MDGA2: variants seen among roughly 807,000 people sequenced by gnomAD.
The protein encoded by MDGA2 is MAM domain containing glycosylphosphatidylinositol anchor 2.
A neutral mutation model predicts 117.8 loss-of-function variants in MDGA2; 40 were observed. The ratio of observed to expected loss-of-function variants is 0.34; its 90% CI spans 0.26 to 0.44. The LOEUF is 0.44. MDGA2 is among the 20% of genes least tolerant of loss of function. MDGA2 has a pLI of 1.00. For missense variants in MDGA2, 1,123 were observed against 1,250.6 expected, an observed-to-expected ratio of 0.90 and a Z score of 1.54; for synonymous variants, 452 against 439.0, an observed-to-expected ratio of 1.03 and a Z score of -0.37.
At chr14:47,054,175 T>G (rs1889579819) in intron 7 of MDGA2, among the ~76,000 whole-genome samples, 1 of 152,014 alleles carries the variant, frequency 6.6e-6, no homozygotes, top group Non-Finnish European at 1.5e-5. Flanking sequence ...ATCTGCAGAA[T>G]GTTTTCTTAC....
At chr14:47,261,804 G>A (rs1045824525) in intron 2 of MDGA2, among the ~76,000 whole-genome samples, 1 of 152,134 alleles carries the variant, frequency 6.6e-6, no homozygotes, top group Non-Finnish European at 1.5e-5. Flanking sequence ...CCACCTGTGT[G>A]ATGGAGATAA....
intron 1 of MDGA2, among the ~76,000 whole-genome samples, chr14:47,595,811 T>C (rs906378152): frequency 1.3e-5 from 2 of 152,182 alleles, no homozygotes; most frequent in African/African-American, 4.8e-5. Context: ...CATAACTCAA[T>C]GTTCTTATAT....
At position 47,181,673 on chromosome 14, in the gene MDGA2, T is replaced by A. The variant is rs139184258; in HGVS notation, c.595+36348A>T. Among the ~76,000 whole-genome samples the A allele has an allele frequency of 9.4e-3, 1,437 of 152,356 alleles. 17 individuals are homozygous for A. Among genetic ancestry groups the A allele is most frequent in the Middle Eastern group, 0.044 (13 of 294 alleles). ...GTTCATTTTAGTTGAAATTTAGTTT[T>A]ATCTTCTCAATTATTTTTTTTCCTA... On this transcript the variant is annotated intron_variant, in intron 3 of 16. Coordinates refer to ENST00000399232, the MANE Select transcript of MDGA2 (RefSeq NM_001113498.3).
chr14:47,507,443 T>C (rs899532614), intron 1 of MDGA2, among the ~76,000 whole-genome samples: 20 of 152,178 alleles, frequency 1.3e-4, no homozygotes, highest in African/African-American at 4.8e-4. Context: ...ATAAGCTCAA[T>C]GTAATATCAA....
intron 10 of MDGA2, among the ~76,000 whole-genome samples, chr14:46,910,491 A>C (rs910131714): frequency 2.0e-5 from 3 of 151,972 alleles, no homozygotes; most frequent in Non-Finnish European, 4.4e-5. Flanking sequence ...CCTCAAAATA[A>C]TAAGAGCCAT....
At chr14:47,669,334 C>T (rs528934308) in intron 1 of MDGA2, among the ~76,000 whole-genome samples, 1 of 152,044 alleles carries the variant, frequency 6.6e-6, no homozygotes, top group Non-Finnish European at 1.5e-5. Context: ...ATCTATTCAC[C>T]GGAATTATTT....
chr14:47,072,848 C>A (rs925070300), intron 6 of MDGA2, among the ~76,000 whole-genome samples: 5 of 152,114 alleles, frequency 3.3e-5, no homozygotes, highest in African/African-American at 9.7e-5. Context: ...TATTAAGGCA[C>A]AAACTAAAAA....
At chr14:47,315,795 A>G (rs1889789994) in intron 1 of MDGA2, among the ~76,000 whole-genome samples, 1 of 152,140 alleles carries the variant, frequency 6.6e-6, no homozygotes. Flanking sequence ...CAATATCAAC[A>G]TAATTTAGAG....
intron 3 of MDGA2, among the ~76,000 whole-genome samples, chr14:47,203,362 T>C (rs1885577654): frequency 6.6e-6 from 1 of 151,840 alleles, no homozygotes; most frequent in Admixed American, 6.6e-5. Flanking sequence ...ATTTGTTTTG[T>C]GGTCCTGAAA....
intron 1 of MDGA2, among the ~76,000 whole-genome samples, chr14:47,360,354 AAAATAAATAAAT>A (rs60754618): frequency 1.9e-4 from 27 of 140,004 alleles, no homozygotes; most frequent in African/African-American, 5.0e-4. Flanking sequence ...TCCATCTCAA[AAAATAAATAAAT>A]AAATAAATAA....
rs190942533 is a variant in MDGA2, at chr14:46,964,863, G to A, written c.1820-7220C>T. On this transcript the variant is annotated intron_variant, in intron 8 of 16. Coordinates refer to ENST00000399232, the MANE Select transcript of MDGA2 (RefSeq NM_001113498.3). ...GAGAAATTTCCTTTTAAGTGGAAGA[G>A]GTTGTCAGTGTAATTCATTATACCT... Among the ~76,000 whole-genome samples, 10 of 151,166 alleles carry A rather than the reference G, an allele frequency of 6.6e-5. No homozygotes were observed. In the East Asian group the frequency reaches 1.6e-3, roughly 23 times the overall value.
intron 2 of MDGA2, among the ~76,000 whole-genome samples, chr14:47,221,884 A>G (rs1374807676): frequency 1.3e-5 from 2 of 152,030 alleles, no homozygotes; most frequent in Non-Finnish European, 2.9e-5. Flanking sequence ...ATGTTTTAAT[A>G]TAAGTTTACA....
At position 47,537,574 on chromosome 14, in the gene MDGA2, T is replaced by TAAAA. The variant is rs58060138; in HGVS notation, c.280+136939_280+136942dup. On this transcript the variant is annotated intron_variant, in intron 1 of 16. Transcript: ENST00000399232. The stretch of plus-strand genomic sequence containing the variant: ...TTATCCACTGTTACCTTCTCTCTGT[T>TAAAA]AAAAAAAAAAAAAAAAAAAAAAAAA... Among the ~76,000 whole-genome samples the TAAAA allele has an allele frequency of 2.2e-3, 81 of 36,550 alleles. 1 individual carries two copies. The highest frequency in any genetic ancestry group is 2.9e-3 in the Non-Finnish European group (52 of 17,784). The allele number at this position is 36,550 out of a possible 152,430, so 24.0% of individuals were successfully genotyped here. A position where few individuals can be genotyped will look rare whatever the true frequency, so the allele number is the denominator to read the frequency against.
chr14:47,675,252 A>G lies in MDGA2; in HGVS notation c.-456T>C, dbSNP rs1243699917. Reference sequence around the variant, plus strand: ...CTGTCTTGCCTTCCCCCATTCCATCAGTTGCCATTGCAACGCCAATCCTGT... The same window carrying G: ...CTGTCTTGCCTTCCCCCATTCCATCGGTTGCCATTGCAACGCCAATCCTGT... On this transcript the variant is annotated 5_prime_UTR_variant, in exon 1 of 17. Transcript: ENST00000399232. Among the ~76,000 whole-genome samples the G allele has an allele frequency of 6.6e-6, 1 of 151,504 alleles. No individual in the cohort carries two copies. Among genetic ancestry groups the G allele is most frequent in the African/African-American group, 2.4e-5 (1 of 41,228 alleles).
At chr14:47,616,507 A>G (rs1009961276) in intron 1 of MDGA2, among the ~76,000 whole-genome samples, 1 of 151,978 alleles carries the variant, frequency 6.6e-6, no homozygotes, top group Non-Finnish European at 1.5e-5. Context: ...TATCTCAGAC[A>G]CCTTTTGCTT....
chr14:46,880,761 C>CATTGCA (rs1566505369), intron 11 of MDGA2, among the ~76,000 whole-genome samples: 1 of 129,390 alleles, frequency 7.7e-6, no homozygotes, highest in Non-Finnish European at 1.5e-5. Context: ...AAGATTGCGG[C>CATTGCA]ATTGCACTCC....
intron 2 of MDGA2, among the ~76,000 whole-genome samples, chr14:47,235,138 A>G (rs1241493538): frequency 6.6e-6 from 1 of 152,232 alleles, no homozygotes; most frequent in Non-Finnish European, 1.5e-5. Flanking sequence ...AAAGACAAAG[A>G]GAAGCTAATG....
At chr14:47,350,825 A>G (rs565279125) in intron 1 of MDGA2, among the ~76,000 whole-genome samples, 67 of 152,348 alleles carry the variant, frequency 4.4e-4, no homozygotes, top group African/African-American at 1.6e-3. Context: ...ATAAAAGACA[A>G]GGGAGTTCTG....
intron 11 of MDGA2, among the ~76,000 whole-genome samples, chr14:46,880,739 T>C (rs1250482302): frequency 2.8e-5 from 4 of 141,030 alleles, no homozygotes; most frequent in South Asian, 4.4e-4. Flanking sequence ...GAGGTGGAGG[T>C]TGCGGTGAGC....
Sources: gnomAD v4.1 joint callset for allele counts (sites outside exome capture counted in the v4.1 genomes callset) on GRCh38, gnomAD v4.1.1 for gene constraint, MANE v1.5 for transcripts, NCBI Gene and HGNC (gene_info 2026-07-23, HGNC 2026-07-21) for gene names.